Variants in GABRG2 observed in about 807,000 individuals in gnomAD.
The protein encoded by GABRG2 is gamma-aminobutyric acid receptor subunit gamma-2.
In GABRG2, 16 loss-of-function variants were observed where a neutral mutation model predicts 56.4. That is an observed-to-expected ratio of 0.28 (90% CI 0.19 to 0.43). The LOEUF is 0.43. Among genes scored for constraint, GABRG2 ranks in the 20% least tolerant of loss-of-function variants. The pLI is 1.00. For missense variants in GABRG2, 327 were observed against 582.7 expected (o/e 0.56, Z 4.52); for synonymous variants, 208 against 205.5 (o/e 1.01, Z -0.10).
chr5:162,080,839 C>T (rs963243521), intron 1 of GABRG2, among the ~76,000 whole-genome samples: 2 of 152,078 alleles, frequency 1.3e-5, no homozygotes, highest in Admixed American at 6.6e-5. Flanking sequence ...ATTGATTTTA[C>T]TATTATGTCA....
At chr5:162,148,106 T>C (rs1765096429) in intron 7 of GABRG2, among the ~76,000 whole-genome samples, 1 of 152,212 alleles carries the variant, frequency 6.6e-6, no homozygotes, top group African/African-American at 2.4e-5. Context: ...TAAATATAGG[T>C]TGTCTTGACA....
At chr5:162,126,786 C>T (rs943961204) in intron 6 of GABRG2, among the ~76,000 whole-genome samples, 3 of 152,020 alleles carry the variant, frequency 2.0e-5, no homozygotes, top group Middle Eastern at 3.4e-3. Flanking sequence ...CTCCCTGAAA[C>T]GTTCTTCACT....
chr5:162,151,917 T>C (rs1458987146), intron 9 of GABRG2, 164 bp downstream of exon 9: 1 of 601,398 alleles, frequency 1.7e-6, no homozygotes, highest in Non-Finnish European at 2.9e-6. Flanking sequence ...ATTCAGCAAC[T>C]ATACACTAAT....
intron 6 of GABRG2, among the ~76,000 whole-genome samples, chr5:162,106,768 T>C (rs928072215): frequency 1.3e-5 from 2 of 152,218 alleles, no homozygotes; most frequent in Non-Finnish European, 2.9e-5. Context: ...ATCCAAGTAG[T>C]GACTGTACTT....
At chr5:162,097,571 T>C (rs778843769) in intron 3 of GABRG2, 67 bp from the exon 4 acceptor site, 31 of 1,191,698 alleles carry the variant, frequency 2.6e-5, no homozygotes, top group Non-Finnish European at 3.6e-5. Context: ...AGGAATGAAA[T>C]ATACCAATAT....
intron 1 of GABRG2, among the ~76,000 whole-genome samples, chr5:162,085,951 G>C (rs577477451): frequency 6.7e-6 from 1 of 150,356 alleles, no homozygotes; most frequent in Admixed American, 6.6e-5. Context: ...TGGTGTATAC[G>C]TACCACATTT....
intron 6 of GABRG2, among the ~76,000 whole-genome samples, chr5:162,121,355 A>C (rs901676286): frequency 6.6e-6 from 1 of 152,088 alleles, no homozygotes; most frequent in African/African-American, 2.4e-5. Flanking sequence ...GAATGTTTAC[A>C]CTTGATCTTT....
In GABRG2 at chr5:162,155,114, A is replaced by G. The variant is rs1051467307; in HGVS notation, c.*1746A>G. 1 of 152,586 alleles carries G rather than the reference A, an allele frequency of 6.6e-6. No homozygotes were observed. The highest frequency in any genetic ancestry group is 1.5e-5 in the Non-Finnish European group (1 of 68,032). The allele number at this position is 152,586 out of a possible 1,614,324, so 9.5% of individuals were successfully genotyped here. A position where few individuals can be genotyped will look rare whatever the true frequency, so the allele number is the denominator to read the frequency against. ...AGAGTGGCTTTGTCAGTATAAAACC[A>G]TGTAAAGTCATCATCAAGTCATCTG... On this transcript the variant is annotated 3_prime_UTR_variant, in exon 10 of 10. Coordinates refer to ENST00000639213, the MANE Select transcript of GABRG2 (RefSeq NM_198904.4).
At chr5:162,101,925 C>T (rs1243246403) in intron 5 of GABRG2, 1 of 154,758 alleles carries the variant, frequency 6.5e-6, no homozygotes, top group African/African-American at 2.4e-5. Context: ...GCCAAGCAAA[C>T]CTAAATTTCC....
chr5:162,089,613 T>A (rs1760406255), intron 1 of GABRG2, among the ~76,000 whole-genome samples: 1 of 152,112 alleles, frequency 6.6e-6, no homozygotes, highest in Non-Finnish European at 1.5e-5. Context: ...ACCAATGTTA[T>A]GAAAGGAAAC....
intron 8 of GABRG2, chr5:162,151,092 G>C (rs1765338551): frequency 6.6e-6 from 1 of 152,500 alleles, no homozygotes; most frequent in African/African-American, 2.4e-5. Context: ...TTTGGAAAAA[G>C]CCCCTTGGCC....
chr5:162,080,562 G>A (rs960431079), intron 1 of GABRG2, among the ~76,000 whole-genome samples: 5 of 152,084 alleles, frequency 3.3e-5, no homozygotes, highest in Admixed American at 2.0e-4. Flanking sequence ...CCTAATGTAC[G>A]GTCTCAAAAC....
At chr5:162,079,797 T>TA (rs1315291058) in intron 1 of GABRG2, among the ~76,000 whole-genome samples, 2 of 152,262 alleles carry the variant, frequency 1.3e-5, no homozygotes, top group East Asian at 3.9e-4. Context: ...TACTTATTTT[T>TA]ATTGAGACAG....
At chr5:162,131,158 A>G (rs1763726188) in intron 6 of GABRG2, among the ~76,000 whole-genome samples, 1 of 152,006 alleles carries the variant, frequency 6.6e-6, no homozygotes, top group African/African-American at 2.4e-5. Context: ...GACAAAGGAC[A>G]TTATGACTCC....
intron 6 of GABRG2, among the ~76,000 whole-genome samples, chr5:162,109,566 C>T (rs184238239): frequency 5.3e-5 from 8 of 151,572 alleles, no homozygotes; most frequent in African/African-American, 1.7e-4. Flanking sequence ...AGTCACCAGA[C>T]TAATAGTCAT....
intron 1 of GABRG2, among the ~76,000 whole-genome samples, chr5:162,080,065 A>G (rs1173284275): frequency 6.6e-6 from 1 of 152,200 alleles, no homozygotes; most frequent in African/African-American, 2.4e-5. Flanking sequence ...TAAATGTAGA[A>G]TGAATATAAA....
intron 6 of GABRG2, among the ~76,000 whole-genome samples, chr5:162,105,432 CTTT>C (rs533258756): frequency 9.6e-6 from 1 of 104,106 alleles, no homozygotes; most frequent in Admixed American, 1.3e-4. Flanking sequence ...GTAGAACAAT[CTTT>C]TTTTTTTTTT....
chr5:162,117,434 C>T (rs539814934), intron 6 of GABRG2, among the ~76,000 whole-genome samples: 1 of 151,886 alleles, frequency 6.6e-6, no homozygotes, highest in South Asian at 2.1e-4. Context: ...TGTTATTATT[C>T]TTTTCATGGA....
At chr5:162,138,505 G>C (rs1225295637) in intron 6 of GABRG2, among the ~76,000 whole-genome samples, 1 of 152,112 alleles carries the variant, frequency 6.6e-6, no homozygotes, top group East Asian at 1.9e-4. Flanking sequence ...AATCAGTTAT[G>C]AGGCCCCCTA....
Sources: gnomAD v4.1 joint callset for allele counts (sites outside exome capture counted in the v4.1 genomes callset) on GRCh38, gnomAD v4.1.1 for gene constraint, MANE v1.5 for transcripts, NCBI Gene and HGNC (gene_info 2026-07-23, HGNC 2026-07-21) for gene names.